Variants in B4GALT6 observed in about 807,000 individuals in gnomAD.
The protein encoded by B4GALT6 is UDP-Gal:beta-GlcNAc beta-1,4-galactosyltransferase 6.
B4GALT6 carries 14 observed loss-of-function variants against 46.3 expected under a neutral mutation model. The ratio of observed to expected loss-of-function variants is 0.30; its 90% confidence interval spans 0.20 to 0.47. The LOEUF (loss-of-function observed/expected upper bound fraction) is 0.47. Among genes scored for constraint, B4GALT6 ranks in the 20% least tolerant of loss-of-function variants. The pLI, the probability that B4GALT6 is intolerant of heterozygous loss-of-function variation, is 0.99. For synonymous variants in B4GALT6, 168 were observed against 162.0 expected, an observed-to-expected ratio of 1.04 and a Z score of -0.28; for missense variants, 386 against 480.1, an observed-to-expected ratio of 0.80 and a Z score of 1.83.
chr18:31,651,066 C>T lies in B4GALT6; in HGVS notation c.347-5587G>A, dbSNP rs2074060493. ...CAGGCGTGAGCCACCGCGCCCAGCC[C>T]CCAGCTGCATTTTTAACAAGTGTAG... On this transcript the variant is annotated intron_variant, in intron 3 of 8. Coordinates refer to ENST00000306851, the MANE Select transcript of B4GALT6 (RefSeq NM_004775.5). Among the ~76,000 whole-genome samples the T allele has an allele frequency of 2.0e-5, 3 of 152,024 alleles. No homozygotes were observed. In the South Asian group the frequency reaches 6.2e-4, roughly 32 times the overall value.
At chr18:31,657,879 G>A (rs1424153477) in intron 3 of B4GALT6, 97 bp downstream of exon 3, 9 of 825,070 alleles carry the variant, frequency 1.1e-5, no homozygotes, top group South Asian at 1.9e-5. Flanking sequence ...GCACCCAGGT[G>A]CACATGACCT....
upstream of B4GALT6, among the ~76,000 whole-genome samples, chr18:31,689,873 T>C (rs550462010): frequency 9.8e-5 from 15 of 152,292 alleles, no homozygotes; most frequent in East Asian, 2.9e-3. Flanking sequence ...GTATTGTGCA[T>C]ACCAGCTGGG....
At chr18:31,719,461 T>C in the B4GALT6 span, among the ~76,000 whole-genome samples, 1 of 152,200 alleles carries the variant, frequency 6.6e-6, no homozygotes, top group Non-Finnish European at 1.5e-5. Flanking sequence ...CTTCACCCTG[T>C]AAAACCTAAG....
the B4GALT6 span, among the ~76,000 whole-genome samples, chr18:31,712,306 T>A: frequency 6.7e-5 from 9 of 134,442 alleles, no homozygotes; most frequent in South Asian, 5.0e-4. Flanking sequence ...TTTTTTTTTT[T>A]TTTTTTTTTT....
At chr18:31,626,099 A>C (rs975950235) in intron 8 of B4GALT6, among the ~76,000 whole-genome samples, 184 bp downstream of exon 8, 2 of 152,230 alleles carry the variant, frequency 1.3e-5, no homozygotes, top group African/African-American at 2.4e-5. Context: ...ATATACGTAT[A>C]TCTCTTAAAA....
intron 6 of B4GALT6, among the ~76,000 whole-genome samples, chr18:31,630,282 C>G (rs1350808982): frequency 1.3e-5 from 2 of 152,170 alleles, no homozygotes; most frequent in Admixed American, 6.5e-5. Context: ...TCTCTCTACT[C>G]CCATTAGGCC....
chr18:31,652,551 G>A (rs1297351818), intron 3 of B4GALT6, among the ~76,000 whole-genome samples: 1 of 152,036 alleles, frequency 6.6e-6, no homozygotes, highest in East Asian at 1.9e-4. Flanking sequence ...CACTTCCTCT[G>A]ATGTTCAGTC....
rs368124348 is a variant in B4GALT6 at position 31,684,535 on chromosome 18, G to T, written c.-109C>A. 2.3e-4 allele frequency: 344 copies of T among 1,503,244 alleles called. 2 individuals are homozygous for T. The East Asian group carries it at 6.4e-3, about 28-fold the overall frequency. 93.1% of individuals were successfully genotyped at this position (1,503,244 alleles called of 1,614,324 possible). ...TGCTGAGAACCCCGAGACTGCAGCG[G>T]GGTCCGCGCGGGGAGGCTCTGGGGA... On this transcript the variant is annotated 5_prime_UTR_variant, in exon 1 of 9. Transcript: ENST00000306851.
At chr18:31,668,702 T>G (rs899614112) in intron 1 of B4GALT6, among the ~76,000 whole-genome samples, 1 of 152,074 alleles carries the variant, frequency 6.6e-6, no homozygotes, top group Non-Finnish European at 1.5e-5. Flanking sequence ...TAAAAAGTCA[T>G]CTAAAAGTTG....
the B4GALT6 span, among the ~76,000 whole-genome samples, chr18:31,714,369 C>G: frequency 6.6e-6 from 1 of 152,212 alleles, no homozygotes; most frequent in African/African-American, 2.4e-5. Flanking sequence ...TACTGCTCCC[C>G]CAGGACCACT....
chr18:31,696,412 A>T, the B4GALT6 span, among the ~76,000 whole-genome samples: 1 of 152,176 alleles, frequency 6.6e-6, no homozygotes, highest in Non-Finnish European at 1.5e-5. Flanking sequence ...TTTTATTCCT[A>T]TCAAGTCTTG....
chr18:31,642,731 T>A (rs1265408070), intron 4 of B4GALT6, among the ~76,000 whole-genome samples: 1 of 152,270 alleles, frequency 6.6e-6, no homozygotes, highest in Non-Finnish European at 1.5e-5. Context: ...TTGCCCAGTC[T>A]GGAGCGCAGT....
intron 3 of B4GALT6, among the ~76,000 whole-genome samples, chr18:31,653,443 T>C (rs1374144996): frequency 8.5e-5 from 12 of 141,464 alleles, no homozygotes; most frequent in African/African-American, 2.9e-4. Context: ...TTCTTTTTTT[T>C]TTTTTTTTTT....
At chr18:31,656,811 T>C (rs570245147) in intron 3 of B4GALT6, among the ~76,000 whole-genome samples, 168 of 152,054 alleles carry the variant, frequency 1.1e-3, no homozygotes, top group Non-Finnish European at 1.8e-3. Context: ...ACTGCCAGAA[T>C]ATAAAGAATT....
Position 31,645,463 on chromosome 18 carries a change from G to C in B4GALT6, c.363C>G (p.Val121=). 1.2e-6 allele frequency: 2 copies of C among 1,607,474 alleles called. No individual in the cohort carries two copies. The highest frequency in any genetic ancestry group is 1.7e-6 in the Non-Finnish European group (2 of 1,178,552). ...CATCAAAACTGACTTCGCTTACATT[G>C]ACATTGAGGAATCCTCCTACAAATT... ...KLPYMRGFLN[V]NVSEVSFDEI... The change falls in exon 4 of 9, where the codon GTC becomes GTG. Residue 121 remains valine (V), a synonymous_variant. Coordinates refer to ENST00000306851, the MANE Select transcript of B4GALT6 (RefSeq NM_004775.5).
chr18:31,672,524 G>A (rs1200134768), intron 1 of B4GALT6, among the ~76,000 whole-genome samples: 1 of 152,162 alleles, frequency 6.6e-6, no homozygotes, highest in Non-Finnish European at 1.5e-5. Flanking sequence ...ATCTCAGCTT[G>A]AACACAGTGA....
At chr18:31,686,636 C>T (rs2029930282), upstream of B4GALT6, 1 of 152,106 alleles carries the variant, frequency 6.6e-6, no homozygotes, top group South Asian at 2.1e-4. Context: ...AAGGTAATGA[C>T]ACTATTTTGT....
At chr18:31,723,594 T>A in the B4GALT6 span, among the ~76,000 whole-genome samples, 2 of 151,732 alleles carry the variant, frequency 1.3e-5, no homozygotes, top group Non-Finnish European at 2.9e-5. Flanking sequence ...CCAGACTGAA[T>A]TGCTCACCCC....
At chr18:31,651,611 C>T (rs1432447549) in intron 3 of B4GALT6, among the ~76,000 whole-genome samples, 2 of 152,150 alleles carry the variant, frequency 1.3e-5, no homozygotes, top group Middle Eastern at 3.2e-3. Flanking sequence ...CTCTCCACCT[C>T]ATCTCCAAAT....
Sources: gnomAD v4.1 joint callset for allele counts (sites outside exome capture counted in the v4.1 genomes callset) on GRCh38, gnomAD v4.1.1 for gene constraint, MANE v1.5 for transcripts, NCBI Gene and HGNC (gene_info 2026-07-23, HGNC 2026-07-21) for gene names.